Variants in RBPJL observed in about 807,000 individuals in gnomAD.
The protein encoded by RBPJL is recombination signal binding protein for immunoglobulin kappa J region like.
RBPJL carries 50 observed loss-of-function variants against 57.6 expected under a neutral mutation model. The ratio of observed to expected loss-of-function variants is 0.87; its 90% CI spans 0.69 to 1.10. The LOEUF (loss-of-function observed/expected upper bound fraction) is 1.10. Among genes scored for constraint, RBPJL ranks in the 50% least tolerant of loss-of-function variants. RBPJL has a pLI of 0.00. For synonymous variants in RBPJL, 303 were observed against 294.4 expected (o/e 1.03, Z -0.30); for missense variants, 684 against 693.7 (o/e 0.99, Z 0.16).
At chr20:45,315,027 G>A (rs1269182075) in intron 9 of RBPJL, among the ~76,000 whole-genome samples, 1 of 152,154 alleles carries the variant, frequency 6.6e-6, no homozygotes, top group African/African-American at 2.4e-5. Context: ...AGGTTGCAGT[G>A]AGCCAGGATC....
intron 3 of RBPJL, among the ~76,000 whole-genome samples, chr20:45,311,090 C>A: frequency 7.1e-6 from 1 of 141,352 alleles, no homozygotes; most frequent in Middle Eastern, 3.4e-3. Context: ...GCATTCCAGC[C>A]TGGGCAACAG....
intron 1 of RBPJL, among the ~76,000 whole-genome samples, chr20:45,307,525 G>A (rs538052583): frequency 6.6e-6 from 1 of 152,174 alleles, no homozygotes; most frequent in Non-Finnish European, 1.5e-5. Context: ...ACAGCATGAG[G>A]GCTAAGGCAC....
chr20:45,308,095 T>C lies in RBPJL; in HGVS notation c.23-48T>C, dbSNP rs201226771. Reference sequence around the variant, plus strand: ...GATAGGGCACCCTAGGCAGCGTCTCTGCTAAAATACACTCGCCTGACCTGG... The same window carrying C: ...GATAGGGCACCCTAGGCAGCGTCTCCGCTAAAATACACTCGCCTGACCTGG... On this transcript the variant is annotated intron_variant, in intron 1 of 11. Coordinates refer to ENST00000343694, the MANE Select transcript of RBPJL (RefSeq NM_014276.4). 1.2e-4 allele frequency: 171 copies of C among 1,387,044 alleles called. 1 individual carries two copies. The highest frequency in any genetic ancestry group is 7.2e-4 in the Middle Eastern group (4 of 5,592). 85.9% of individuals were successfully genotyped at this position (1,387,044 alleles called of 1,614,324 possible).
chr20:45,306,891 C>T lies in RBPJL; in HGVS notation c.-32C>T, dbSNP rs771137752. On this transcript the variant is annotated 5_prime_UTR_variant, in exon 1 of 12. Transcript: ENST00000343694. ...AGCACTGGACTCGTCCAGAGGGCGG[C>T]GGGTGAGCGGCTGGGGCCCCGTGGA... 3 of 1,255,890 alleles carry T rather than the reference C, an allele frequency of 2.4e-6. No homozygotes were observed. The highest frequency in any genetic ancestry group is 7.7e-5 in the South Asian group (2 of 26,020). The allele number at this position is 1,255,890 out of a possible 1,614,324, so 77.8% of individuals were successfully genotyped here.
chr20:45,312,842 A>AAG (rs1987256127), intron 6 of RBPJL, among the ~76,000 whole-genome samples: 1 of 151,072 alleles, frequency 6.6e-6, no homozygotes, highest in African/African-American at 2.4e-5. Flanking sequence ...AAAAAAAAAA[A>AAG]AAAAGAAAAA....
At position 45,314,082 on chromosome 20, in the gene RBPJL, G is replaced by T; in HGVS notation, c.805G>T (p.Val269Phe). 1 of 1,614,230 alleles carries T rather than the reference G, an allele frequency of 6.2e-7. No homozygotes were observed. Among genetic ancestry groups the T allele is most frequent in the Non-Finnish European group, 8.5e-7 (1 of 1,180,032 alleles). Residue 269 changes from valine to phenylalanine, a missense_variant, in exon 8 of 12, where the codon GTT becomes TTT. Val to Phe is a conservative substitution (Grantham distance 50, BLOSUM62 -1). Transcript: ENST00000343694. ...QGDFPPREGY[V>F]RYGSLVQLVC... is the part of the protein sequence containing the mutation. ...AGACTTCCCACCGCGAGAGGGCTACGTTCGCTATGGCTCCCTGGTGCAGCT... is the reference window on the plus strand; with the variant it reads ...AGACTTCCCACCGCGAGAGGGCTACTTTCGCTATGGCTCCCTGGTGCAGCT...
chr20:45,317,293 T>G lies in RBPJL; in HGVS notation c.*334T>G, dbSNP rs190665926. 133 of 332,344 alleles carry G rather than the reference T, an allele frequency of 4.0e-4. No individual in the cohort carries two copies. Among genetic ancestry groups the G allele is most frequent in the African/African-American group, 2.5e-3 (119 of 47,078 alleles). 20.6% of individuals were successfully genotyped at this position (332,344 alleles called of 1,614,324 possible). On this transcript the variant is annotated 3_prime_UTR_variant, in exon 12 of 12. Coordinates refer to ENST00000343694, the MANE Select transcript of RBPJL (RefSeq NM_014276.4). The stretch of plus-strand genomic sequence containing the variant: ...CTACAGACCTATGTGCGTGTCCCTA[T>G]CCTTCTGTCCTTTTCTCTCTTCAGC...
intron 1 of RBPJL, 127 bp from the exon 2 acceptor site, chr20:45,308,016 G>A: frequency 3.2e-6 from 2 of 627,054 alleles, no homozygotes; most frequent in Admixed American, 2.7e-5. Flanking sequence ...CTTTGAGGGT[G>A]GGGGCTCGAT....
rs1987517498 is a variant in RBPJL at position 45,317,086 on chromosome 20, C to G, written c.*127C>G. The G allele has an allele frequency of 3.3e-6, 4 of 1,221,712 alleles. No homozygotes were observed. Among genetic ancestry groups the G allele is most frequent in the African/African-American group, 1.5e-5 (1 of 65,994 alleles). The allele number at this position is 1,221,712 out of a possible 1,614,324, so 75.7% of individuals were successfully genotyped here. On this transcript the variant is annotated 3_prime_UTR_variant, in exon 12 of 12. Coordinates refer to ENST00000343694, the MANE Select transcript of RBPJL (RefSeq NM_014276.4). ...TGCAGAAGGGCAGCTGAAGGCTCAC[C>G]CTAGAAACCGGGCCTGGTGGGTCTT... is the stretch of plus-strand genomic sequence containing the variant.
At position 45,313,473 on chromosome 20, in the gene RBPJL, A is replaced by G; in HGVS notation, c.625A>G (p.Ile209Val). The G allele has an allele frequency of 1.2e-6, 2 of 1,611,062 alleles. No homozygotes were observed. Among genetic ancestry groups the G allele is most frequent in the South Asian group, 1.1e-5 (1 of 90,596 alleles). Residue 209 changes from isoleucine to valine, a missense_variant, in exon 7 of 12, where the codon ATA (isoleucine) becomes GTA (valine). Coordinates refer to ENST00000343694, the MANE Select transcript of RBPJL (RefSeq NM_014276.4). ...KQSLKNTDLC[I>V]SSGSKVSLFN... ...CCTGACCCTCACCCTCACAGTGTGC[A>G]TATCCTCCGGCTCAAAGGTCTCCCT...
intron 2 of RBPJL, chr20:45,308,570 T>C: frequency 2.7e-6 from 1 of 366,530 alleles, no homozygotes; most frequent in Non-Finnish European, 5.2e-6. Context: ...GGCACTTCCC[T>C]GAGGAGAGCC....
At chr20:45,316,610 G>A (rs1987481940) in intron 11 of RBPJL, 30 bp downstream of exon 11, 1 of 1,517,006 alleles carries the variant, frequency 6.6e-7, no homozygotes, top group Middle Eastern at 2.0e-4. Flanking sequence ...CCTCTCTTGG[G>A]CCCCGGGGAG....
chr20:45,308,896 A>G (rs1310419547), intron 2 of RBPJL, among the ~76,000 whole-genome samples: 5 of 152,042 alleles, frequency 3.3e-5, no homozygotes, highest in African/African-American at 9.7e-5. Flanking sequence ...TGCAGGACCA[A>G]TGTCATCTGC....
Position 45,313,525 on chromosome 20 carries a change from T to C in RBPJL, c.677T>C (p.Val226Ala). The C allele has an allele frequency of 6.2e-7, 1 of 1,613,964 alleles. No homozygotes were observed. The highest frequency in any genetic ancestry group is 8.5e-7 in the Non-Finnish European group (1 of 1,179,954). Residue 226 changes from valine to alanine, a missense_variant, in exon 7 of 12, where the codon GTC becomes GCC. Coordinates refer to ENST00000343694, the MANE Select transcript of RBPJL (RefSeq NM_014276.4). ...SLFNRLRSQT[V>A]STRYLSVEDG... ...TTCAACCGCCTGCGCTCTCAGACGGTCTCCACACGCTACCTCTCTGTGGAG... is the reference window on the plus strand; with the variant it reads ...TTCAACCGCCTGCGCTCTCAGACGGCCTCCACACGCTACCTCTCTGTGGAG...
chr20:45,313,354 CACCCTCACCCTA>C (rs1164350102), intron 6 of RBPJL, 102 bp from the exon 7 acceptor site: 21 of 766,608 alleles, frequency 2.7e-5, no homozygotes, highest in East Asian at 1.1e-4. Flanking sequence ...TCCTAACCCT[CACCCTCACCCTA>C]ACCCTCACCC....
In RBPJL at chr20:45,308,264, T is replaced by A. The variant is rs773570722; in HGVS notation, c.131+13T>A. 2 of 1,572,560 alleles carry A rather than the reference T, an allele frequency of 1.3e-6. No homozygotes were observed. The highest frequency in any genetic ancestry group is 1.8e-6 in the Non-Finnish European group (2 of 1,142,522). ...GCACTTGGACCAGGTAACGGCGGCG[T>A]GGCAGCGTGCCCTAGGTGGGGACTG... On this transcript the variant is annotated intron_variant, in intron 2 of 11. Transcript: ENST00000343694.
At position 45,316,751 on chromosome 20, in the gene RBPJL, T is replaced by C. The variant is rs757999404; in HGVS notation, c.1346T>C (p.Leu449Pro). Residue 449 changes from leucine (L) to proline (P), a missense_variant, in exon 12 of 12, where the codon CTG becomes CCG. Coordinates refer to ENST00000343694, the MANE Select transcript of RBPJL (RefSeq NM_014276.4). ...VAAFCSDWRW[L>P]RAPITIPMSL... ...GCCTTCTGCAGCGACTGGCGCTGGC[T>C]GCGCGCTCCCATCACAATCCCCATG... 6.2e-7 allele frequency: 1 copy of C among 1,613,656 alleles called. No individual in the cohort carries two copies. Among genetic ancestry groups the C allele is most frequent in the Admixed American group, 1.7e-5 (1 of 59,994 alleles).
rs368514164 is a variant in RBPJL at position 45,308,251 on chromosome 20, G to A, written c.131G>A (p.Arg44Lys). 27 of 1,606,024 alleles carry A rather than the reference G, an allele frequency of 1.7e-5. No individual in the cohort carries two copies. Among genetic ancestry groups the A allele is most frequent in the Non-Finnish European group, 2.3e-5 (27 of 1,172,728 alleles). Residue 44 changes from arginine to lysine, a missense_variant and splice_region_variant, in exon 2 of 12, where the codon AGG becomes AAG. Physicochemically the swap from Arg to Lys is conservative, Grantham distance 26. Coordinates refer to ENST00000343694, the MANE Select transcript of RBPJL (RefSeq NM_014276.4). ...DRRSLPGTWTRSSPEHTTILR... is the reference protein window; with the variant it reads ...DRRSLPGTWTKSSPEHTTILR... ...CGGAGCCTCCCGGGCACTTGGACCA[G>A]GTAACGGCGGCGTGGCAGCGTGCCC...
intron 3 of RBPJL, among the ~76,000 whole-genome samples, 173 bp downstream of exon 3, chr20:45,309,865 T>C (rs1484723686): frequency 1.3e-5 from 2 of 152,224 alleles, no homozygotes; most frequent in African/African-American, 4.8e-5. Context: ...CTTTGGTCTA[T>C]AGTTCTACAG....
Sources: allele counts gnomAD v4.1 joint callset (sites outside exome capture counted in the v4.1 genomes callset), GRCh38; gene constraint gnomAD v4.1.1; transcripts MANE v1.5; gene names NCBI Gene and HGNC (gene_info 2026-07-23, HGNC 2026-07-21).